The following CCSER1 variants were observed in gnomAD, a reference collection of about 807,000 sequenced individuals.
CCSER1 encodes the protein serine-rich coiled-coil domain-containing protein 1.
In CCSER1, 41 loss-of-function variants were observed where a neutral mutation model predicts 82.0. The ratio of observed to expected loss-of-function variants is 0.50; its 90% CI spans 0.39 to 0.65. CCSER1 has a LOEUF of 0.65. CCSER1 is among the 30% of genes least tolerant of loss of function. The pLI is 0.00. For synonymous variants in CCSER1, 414 were observed against 383.9 expected (o/e 1.08, Z -0.92); for missense variants, 1,119 against 1,064.2 (o/e 1.05, Z -0.72).
intron 1 of CCSER1, among the ~76,000 whole-genome samples, chr4:90,276,858 T>G (rs1727920390): frequency 6.6e-6 from 1 of 152,176 alleles, no homozygotes; most frequent in African/African-American, 2.4e-5. Context: ...TTTTTGTATG[T>G]GGCTATTGTA....
chr4:91,087,368 A>G (rs1723491757), intron 10 of CCSER1, among the ~76,000 whole-genome samples: 3 of 152,202 alleles, frequency 2.0e-5, no homozygotes, highest in South Asian at 4.1e-4. Flanking sequence ...TTGTTTTACT[A>G]AGATTTTTAT....
chr4:91,014,726 C>T (rs1476834760), intron 9 of CCSER1, among the ~76,000 whole-genome samples: 1 of 152,164 alleles, frequency 6.6e-6, no homozygotes, highest in Non-Finnish European at 1.5e-5. Flanking sequence ...CACACATAAT[C>T]TTAAATGAGA....
At chr4:91,230,398 G>A (rs1297030231) in intron 10 of CCSER1, among the ~76,000 whole-genome samples, 1 of 152,006 alleles carries the variant, frequency 6.6e-6, no homozygotes, top group Non-Finnish European at 1.5e-5. Context: ...AAATATAAGG[G>A]TTGATTGAGT....
chr4:90,608,329 T>C (rs796189087), intron 5 of CCSER1, among the ~76,000 whole-genome samples: 8 of 152,302 alleles, frequency 5.3e-5, no homozygotes, highest in African/African-American at 1.9e-4. Flanking sequence ...GCAGAACTCA[T>C]GGAGGCTTCA....
intron 10 of CCSER1, among the ~76,000 whole-genome samples, chr4:91,393,462 A>G (rs1211535377): frequency 6.6e-6 from 1 of 152,092 alleles, no homozygotes; most frequent in Non-Finnish European, 1.5e-5. Flanking sequence ...TTAGATGAAA[A>G]TCTATATTTT....
chr4:90,559,912 C>T (rs1404917957), intron 5 of CCSER1, among the ~76,000 whole-genome samples: 2 of 149,338 alleles, frequency 1.3e-5, no homozygotes, highest in Non-Finnish European at 3.0e-5. Context: ...TTAGTCCAGG[C>T]AGTTCCCCCA....
intron 1 of CCSER1, among the ~76,000 whole-genome samples, chr4:90,228,862 A>C (rs1207155342): frequency 6.6e-6 from 1 of 152,236 alleles, no homozygotes; most frequent in East Asian, 1.9e-4. Flanking sequence ...ACTGGAAGAA[A>C]GGGTATCAGC....
At chr4:90,800,467 C>T (rs937672456) in intron 7 of CCSER1, among the ~76,000 whole-genome samples, 1 of 151,962 alleles carries the variant, frequency 6.6e-6, no homozygotes, top group Non-Finnish European at 1.5e-5. Context: ...AATTTCTTAC[C>T]TTGCTTAAGA....
intron 10 of CCSER1, among the ~76,000 whole-genome samples, chr4:91,448,162 C>A (rs954493942): frequency 1.3e-5 from 2 of 152,012 alleles, no homozygotes; most frequent in Non-Finnish European, 2.9e-5. Context: ...AATGCTCTAC[C>A]TTTCCTTTTA....
chr4:91,417,079 C>T (rs779678754), intron 10 of CCSER1, among the ~76,000 whole-genome samples: 2 of 152,052 alleles, frequency 1.3e-5, no homozygotes, highest in African/African-American at 2.4e-5. Context: ...AGAAGACATT[C>T]ATGCAGCAAA....
chr4:90,251,494 G>T (rs1214491972), intron 1 of CCSER1, among the ~76,000 whole-genome samples: 2 of 151,644 alleles, frequency 1.3e-5, no homozygotes, highest in Non-Finnish European at 3.0e-5. Flanking sequence ...TGTGCTTTTT[G>T]TTCTTTAGTC....
chr4:90,409,341 A>T (rs1272641920), intron 4 of CCSER1, among the ~76,000 whole-genome samples: 2 of 152,320 alleles, frequency 1.3e-5, no homozygotes, highest in Admixed American at 6.5e-5. Context: ...GATTCACCAA[A>T]GTGGAAATGA....
chr4:91,127,444 A>G (rs1727616554), intron 10 of CCSER1, among the ~76,000 whole-genome samples: 1 of 152,096 alleles, frequency 6.6e-6, no homozygotes, highest in Non-Finnish European at 1.5e-5. Context: ...CACAAGCTTA[A>G]GTATTATCAT....
chr4:90,240,915 C>T (rs1207860747), intron 1 of CCSER1, among the ~76,000 whole-genome samples: 1 of 152,194 alleles, frequency 6.6e-6, no homozygotes, highest in Non-Finnish European at 1.5e-5. Flanking sequence ...AGCCTGTCTA[C>T]ATATACCACT....
chr4:90,238,445 T>A (rs1350829295), intron 1 of CCSER1, among the ~76,000 whole-genome samples: 1 of 152,202 alleles, frequency 6.6e-6, no homozygotes, highest in African/African-American at 2.4e-5. Flanking sequence ...AAGACTCACA[T>A]AGGAAAAACA....
chr4:90,759,660 G>A (rs1750123246), intron 7 of CCSER1, among the ~76,000 whole-genome samples: 1 of 152,106 alleles, frequency 6.6e-6, no homozygotes, highest in East Asian at 1.9e-4. Context: ...CTAGTGCAAG[G>A]CAACTCCAGT....
chr4:90,713,338 G>A (rs897873671), intron 6 of CCSER1, among the ~76,000 whole-genome samples: 3 of 151,962 alleles, frequency 2.0e-5, no homozygotes, highest in Non-Finnish European at 4.4e-5. Flanking sequence ...GGCAGGCCTG[G>A]TAGTGATGAA....
At chr4:90,947,558 T>C (rs75346620) in intron 9 of CCSER1, among the ~76,000 whole-genome samples, 3,751 of 152,290 alleles carry the variant, frequency 0.025, 62 homozygotes, top group Non-Finnish European at 0.035. Context: ...ATCTACTGAA[T>C]TGCCTGGAAC....
At chr4:90,946,708 A>G (rs1732294722) in intron 9 of CCSER1, among the ~76,000 whole-genome samples, 1 of 152,160 alleles carries the variant, frequency 6.6e-6, no homozygotes, top group Admixed American at 6.6e-5. Flanking sequence ...TTCATGTCAA[A>G]CAAATGGTGA....
Sources: gnomAD v4.1 joint callset for allele counts (sites outside exome capture counted in the v4.1 genomes callset) on GRCh38, gnomAD v4.1.1 for gene constraint, MANE v1.5 for transcripts, NCBI Gene and HGNC (gene_info 2026-07-23, HGNC 2026-07-21) for gene names.